Variants in LDB3 observed in about 807,000 individuals in gnomAD.
LDB3 encodes the protein LIM domain-binding protein 3.
A neutral mutation model predicts 69.0 loss-of-function variants in LDB3; 49 were observed. The ratio of observed to expected loss-of-function variants is 0.71; its 90% CI spans 0.56 to 0.90. The LOEUF is 0.90. Among genes scored for constraint, LDB3 ranks in the 40% least tolerant of loss-of-function variants. The pLI is 0.00. For missense variants in LDB3, 928 were observed against 974.1 expected (o/e 0.95, Z 0.63); for synonymous variants, 387 against 396.2 (o/e 0.98, Z 0.28).
intron 3 of LDB3, among the ~76,000 whole-genome samples, 170 bp from the exon 4 acceptor site, chr10:86,679,912 G>A (rs1022350466): frequency 1.3e-5 from 2 of 152,180 alleles, no homozygotes; most frequent in African/African-American, 4.8e-5. Flanking sequence ...GGGCCTTCTT[G>A]GGGAGATCCA....
intron 7 of LDB3, among the ~76,000 whole-genome samples, chr10:86,693,623 C>T (rs1845874106): frequency 1.3e-5 from 2 of 152,256 alleles, no homozygotes; most frequent in Non-Finnish European, 2.9e-5. Flanking sequence ...TCCTCCCAGG[C>T]CTGCTAAGGA....
intron 12 of LDB3, among the ~76,000 whole-genome samples, chr10:86,724,018 T>C (rs1180770144): frequency 6.6e-6 from 1 of 152,156 alleles, no homozygotes; most frequent in Non-Finnish European, 1.5e-5. Context: ...CCCTTTAAAA[T>C]TGGAATACTA....
chr10:86,680,058 T>A (rs1479230108), intron 3 of LDB3, 24 bp from the exon 4 acceptor site: 5 of 1,610,102 alleles, frequency 3.1e-6, no homozygotes, highest in Admixed American at 1.7e-5. Context: ...CTTCCTCACC[T>A]GGTCTCATTT....
chr10:86,694,051 T>C (rs1365832896), intron 7 of LDB3, among the ~76,000 whole-genome samples: 1 of 152,230 alleles, frequency 6.6e-6, no homozygotes, highest in Non-Finnish European at 1.5e-5. Context: ...TTCCCTCCGA[T>C]ATGCAAGGCA....
chr10:86,670,178 C>G (rs1844383271), intron 2 of LDB3, among the ~76,000 whole-genome samples: 1 of 152,144 alleles, frequency 6.6e-6, no homozygotes, highest in Admixed American at 6.5e-5. Context: ...GCCCTGACCT[C>G]CATCCTTCAG....
Position 86,732,594 on chromosome 10 carries a change from C to T in LDB3, c.2095-293C>T, listed in dbSNP as rs182204917. 345 of 471,108 alleles carry T rather than the reference C, an allele frequency of 7.3e-4. 1 individual carries two copies. The highest frequency in any genetic ancestry group is 3.5e-3 in the African/African-American group (180 of 50,940). The allele number at this position is 471,108 out of a possible 1,614,324, so 29.2% of individuals were successfully genotyped here. Reference sequence around the variant, plus strand: ...ACAGCTCACTGCAACCTCTGTCTCCCGGGTTCAAGAGATTCTTCTGCCTCA... The same window carrying T: ...ACAGCTCACTGCAACCTCTGTCTCCTGGGTTCAAGAGATTCTTCTGCCTCA... On this transcript the variant is annotated intron_variant, in intron 13 of 13. Coordinates refer to ENST00000361373, the MANE Select transcript of LDB3 (RefSeq NM_007078.3).
At chr10:86,701,059 T>C (rs1014040870) in intron 7 of LDB3, among the ~76,000 whole-genome samples, 2 of 152,118 alleles carry the variant, frequency 1.3e-5, no homozygotes, top group African/African-American at 4.8e-5. Context: ...TTGAGGCCGC[T>C]CTCTCCTGCC....
At chr10:86,726,399 C>T (rs1847259088) in intron 13 of LDB3, 147 bp downstream of exon 13, 3 of 697,646 alleles carry the variant, frequency 4.3e-6, no homozygotes, top group East Asian at 5.4e-5. Flanking sequence ...CATGATGCCT[C>T]GATACATCAC....
At chr10:86,712,204 GC>G (rs970835928) in intron 9 of LDB3, among the ~76,000 whole-genome samples, 2 of 152,130 alleles carry the variant, frequency 1.3e-5, no homozygotes, top group African/African-American at 2.4e-5. Context: ...GGGTGGGTTA[GC>G]CCCAAGCAAG....
chr10:86,700,200 T>C (rs1846201809), intron 7 of LDB3: 2 of 411,280 alleles, frequency 4.9e-6, no homozygotes, highest in East Asian at 3.2e-4. Flanking sequence ...CTGGTCCTGC[T>C]GCTCTCCTGC....
chr10:86,696,109 C>G (rs980743652), intron 7 of LDB3, among the ~76,000 whole-genome samples: 5 of 152,206 alleles, frequency 3.3e-5, no homozygotes, highest in African/African-American at 4.8e-5. Context: ...AGCCATTAAG[C>G]TTCTTCCAAT....
chr10:86,692,468 A>T, intron 6 of LDB3, 67 bp from the exon 7 acceptor site: 1 of 1,506,370 alleles, frequency 6.6e-7, no homozygotes, highest in Non-Finnish European at 9.2e-7. Context: ...CAGTGCCCAC[A>T]GAGCCCCAGC....
intron 5 of LDB3, among the ~76,000 whole-genome samples, chr10:86,691,692 G>T (rs372944773): frequency 8.5e-5 from 13 of 152,112 alleles, no homozygotes; most frequent in East Asian, 3.9e-4. Context: ...TCTCATGAGG[G>T]AGGGGAGTCA....
Position 86,716,530 on chromosome 10 carries a change from G to T in LDB3, c.1435G>T (p.Gly479Trp). Residue 479 changes from glycine (G) to tryptophan (W), a missense_variant, in exon 10 of 14, where the codon GGG (glycine) becomes TGG (tryptophan). Gly to Trp is a radical substitution (Grantham distance 184, BLOSUM62 -2). Transcript: ENST00000361373. ...CCCTGCACCCTCGGTGGCCTACAGC[G>T]GGGGCCCTGCGGAGCCTGCCAGCCG... ...YNPAPSVAYS[G>W]GPAEPASRPP... The T allele has an allele frequency of 6.2e-7, 1 of 1,612,696 alleles. No homozygotes were observed. Among genetic ancestry groups the T allele is most frequent in the South Asian group, 1.1e-5 (1 of 90,990 alleles).
intron 5 of LDB3, among the ~76,000 whole-genome samples, chr10:86,690,372 T>C (rs1337731727): frequency 6.6e-6 from 1 of 152,180 alleles, no homozygotes; most frequent in African/African-American, 2.4e-5. Flanking sequence ...AACAGCAAGA[T>C]CCCACCCTCT....
intron 2 of LDB3, among the ~76,000 whole-genome samples, chr10:86,675,619 C>T (rs931440473): frequency 6.6e-6 from 1 of 152,244 alleles, no homozygotes; most frequent in South Asian, 2.1e-4. Context: ...GGGCAGTTCA[C>T]TAGGACAGAA....
chr10:86,679,150 T>A (rs1283542394), intron 2 of LDB3, among the ~76,000 whole-genome samples: 1 of 152,082 alleles, frequency 6.6e-6, no homozygotes, highest in Non-Finnish European at 1.5e-5. Context: ...CCAGAGCTAG[T>A]CCCAAGGCTG....
intron 7 of LDB3, among the ~76,000 whole-genome samples, chr10:86,701,620 A>G (rs1001276750): frequency 2.0e-5 from 3 of 152,242 alleles, no homozygotes; most frequent in South Asian, 2.1e-4. Context: ...AAGGTTGATC[A>G]TGTATGGTCC....
intron 7 of LDB3, among the ~76,000 whole-genome samples, chr10:86,696,544 T>G (rs4933406): frequency 0.26 from 39,899 of 152,070 alleles, 5,949 homozygotes; most frequent in East Asian, 0.67. Context: ...AAGTAGAGCA[T>G]GCTCACTAGA....
Sources: allele counts gnomAD v4.1 joint callset (sites outside exome capture counted in the v4.1 genomes callset), GRCh38; gene constraint gnomAD v4.1.1; transcripts MANE v1.5; gene names NCBI Gene and HGNC (gene_info 2026-07-23, HGNC 2026-07-21).